Variants in SLC24A4 observed in about 807,000 individuals in gnomAD.
The protein encoded by SLC24A4 is sodium/potassium/calcium exchanger 4.
Under a neutral mutation model 79.0 loss-of-function variants are expected in SLC24A4, and 53 were observed. The observed-to-expected ratio is 0.67, with a 90% confidence interval of 0.54 to 0.84. The LOEUF is 0.84. SLC24A4 is among the 40% of genes least tolerant of loss of function. The probability of loss-of-function intolerance (pLI) is 0.00; values close to 1 mark genes in which losing one functional copy is unlikely to be tolerated. For synonymous variants in SLC24A4, 323 were observed against 323.8 expected, an observed-to-expected ratio of 1.00 and a Z score of 0.03; for missense variants, 731 against 822.0, an observed-to-expected ratio of 0.89 and a Z score of 1.35.
chr14:92,326,917 G>A (rs1015930132), intron 2 of SLC24A4, among the ~76,000 whole-genome samples: 5 of 152,182 alleles, frequency 3.3e-5, no homozygotes, highest in Non-Finnish European at 5.9e-5. Flanking sequence ...AACTGGGAAG[G>A]CTGTGTTGGG....
At position 92,497,020 on chromosome 14, in the gene SLC24A4, C is replaced by G. The variant is rs1895952385; in HGVS notation, c.*3392C>G. 6.6e-6 allele frequency: 1 copy of G among 152,178 alleles called. No homozygotes were observed. The highest frequency in any genetic ancestry group is 1.5e-5 in the Non-Finnish European group (1 of 68,066). 9.4% of individuals were successfully genotyped at this position (152,178 alleles called of 1,614,324 possible). A position where few individuals can be genotyped will look rare whatever the true frequency, so the allele number is the denominator to read the frequency against. On this transcript the variant is annotated 3_prime_UTR_variant, in exon 17 of 17. Transcript: ENST00000532405. ...TTCACCATGTTGGCCAGGCTGGTCT[C>G]AAACTCCTGACCTCAGGTGATCCAC...
intron 2 of SLC24A4, among the ~76,000 whole-genome samples, chr14:92,384,073 C>T (rs1216303233): frequency 1.3e-5 from 2 of 152,162 alleles, no homozygotes; most frequent in South Asian, 2.1e-4. Context: ...TTTTGATTAC[C>T]GCTTGGGCAT....
intron 2 of SLC24A4, among the ~76,000 whole-genome samples, chr14:92,401,450 T>C (rs549862908): frequency 6.6e-6 from 1 of 152,254 alleles, no homozygotes; most frequent in East Asian, 1.9e-4. Context: ...AATGTGGAGA[T>C]GAACAGAGAA....
chr14:92,433,077 A>T (rs1479836512), intron 2 of SLC24A4, among the ~76,000 whole-genome samples: 1 of 152,196 alleles, frequency 6.6e-6, no homozygotes, highest in East Asian at 1.9e-4. Flanking sequence ...CTAGGTACTG[A>T]GGATGCAATG....
chr14:92,342,363 C>CATTAATTAATTA (rs377654077), intron 2 of SLC24A4, among the ~76,000 whole-genome samples: 43 of 137,926 alleles, frequency 3.1e-4, no homozygotes, highest in East Asian at 2.1e-3. Context: ...TTTTTTTCCC[C>CATTAATTAATTA]ATTTATTTAT....
chr14:92,384,321 A>T (rs1320435825), intron 2 of SLC24A4, among the ~76,000 whole-genome samples: 2 of 152,008 alleles, frequency 1.3e-5, no homozygotes, highest in African/African-American at 4.8e-5. Flanking sequence ...ACTGAAGGGG[A>T]GGGAGTGTTG....
chr14:92,483,987 T>A, intron 13 of SLC24A4: 2 of 985,266 alleles, frequency 2.0e-6, no homozygotes, highest in Non-Finnish European at 2.4e-6. Flanking sequence ...GGATCCTGGA[T>A]CACATGAGAA....
intron 2 of SLC24A4, among the ~76,000 whole-genome samples, chr14:92,403,427 GAA>G (rs1293304979): frequency 1.3e-5 from 2 of 151,982 alleles, no homozygotes; most frequent in Non-Finnish European, 2.9e-5. Flanking sequence ...CTAACATGGT[GAA>G]ACCCCGTCTC....
chr14:92,442,026 C>T (rs1186392287), intron 4 of SLC24A4, 63 bp from the exon 5 acceptor site: 7 of 1,308,008 alleles, frequency 5.4e-6, no homozygotes, highest in Non-Finnish European at 6.6e-6. Flanking sequence ...GGCTGTAGAG[C>T]GTCCAGTGAT....
At chr14:92,469,427 T>C (rs550688635) in intron 12 of SLC24A4, among the ~76,000 whole-genome samples, 10 of 151,702 alleles carry the variant, frequency 6.6e-5, no homozygotes, top group Admixed American at 1.3e-4. Context: ...GAGAATGGCA[T>C]GAACCCGGGA....
rs1019021973 is a variant in SLC24A4, at chr14:92,353,941, G to A, written c.241+27963G>A. On this transcript the variant is annotated intron_variant, in intron 2 of 16. Transcript: ENST00000532405. The surrounding 1 kb of genome is among the most constrained non-coding windows in gnomAD (Gnocchi z 4.1). ...CGGCCCAGAGAGCAGGAGAGTTGAT[G>A]GGCTGACCCCGTGCTGGAGTCACCT... Among the ~76,000 whole-genome samples, 3 of 152,200 alleles carry A rather than the reference G, an allele frequency of 2.0e-5. No individual in the cohort carries two copies. The highest frequency in any genetic ancestry group is 7.2e-5 in the African/African-American group (3 of 41,446).
intron 8 of SLC24A4, 110 bp from the exon 9 acceptor site, chr14:92,447,261 G>C: frequency 1.1e-6 from 1 of 920,332 alleles, no homozygotes; most frequent in Non-Finnish European, 1.7e-6. Context: ...GGCACTAGGG[G>C]CGGGGGAGGT....
At chr14:92,378,968 G>T (rs1386983554) in intron 2 of SLC24A4, among the ~76,000 whole-genome samples, 2 of 152,122 alleles carry the variant, frequency 1.3e-5, no homozygotes, top group African/African-American at 4.8e-5. Context: ...AGGCTGAGAT[G>T]GGAGAATCGC....
chr14:92,457,069 A>G (rs994959113), intron 12 of SLC24A4, among the ~76,000 whole-genome samples: 1 of 152,152 alleles, frequency 6.6e-6, no homozygotes, highest in African/African-American at 2.4e-5. Flanking sequence ...AGACAGTCAT[A>G]CCTTGTGTGT....
At chr14:92,339,727 T>G (rs189276796) in intron 2 of SLC24A4, among the ~76,000 whole-genome samples, 1 of 152,348 alleles carries the variant, frequency 6.6e-6, no homozygotes, top group Non-Finnish European at 1.5e-5. Flanking sequence ...TTTTGCAGGC[T>G]TTGGGAGCCA....
chr14:92,391,517 G>A (rs1209152041), intron 2 of SLC24A4, among the ~76,000 whole-genome samples: 1 of 152,168 alleles, frequency 6.6e-6, no homozygotes, highest in African/African-American at 2.4e-5. Context: ...TACCCCATGT[G>A]CCTAAAGTAG....
chr14:92,391,137 A>G (rs1415351578), intron 2 of SLC24A4, among the ~76,000 whole-genome samples: 2 of 152,166 alleles, frequency 1.3e-5, no homozygotes, highest in African/African-American at 2.4e-5. Context: ...GGGCCTGGGA[A>G]ATGCCCCTGG....
intron 8 of SLC24A4, among the ~76,000 whole-genome samples, chr14:92,446,891 C>T (rs987038720): frequency 6.6e-6 from 1 of 152,162 alleles, no homozygotes; most frequent in Admixed American, 6.5e-5. Context: ...CTGGGAGGCT[C>T]CTGTGCCACC....
chr14:92,429,721 A>G (rs1424754766), intron 2 of SLC24A4, among the ~76,000 whole-genome samples: 1 of 152,200 alleles, frequency 6.6e-6, no homozygotes, highest in East Asian at 1.9e-4. Flanking sequence ...AGAGCCTGGT[A>G]TTAGTTGGGC....
Sources: gnomAD v4.1 joint callset for allele counts (sites outside exome capture counted in the v4.1 genomes callset) on GRCh38, gnomAD v4.1.1 for gene constraint, Gnocchi (gnomAD v3.1) non-coding constraint, MANE v1.5 for transcripts, NCBI Gene and HGNC (gene_info 2026-07-23, HGNC 2026-07-21) for gene names.